UPRT: variants seen among roughly 807,000 people sequenced by gnomAD.
The protein encoded by UPRT is uracil phosphoribosyltransferase homolog, also known as RP11-311P8.3.
Under a neutral mutation model 22.6 loss-of-function variants are expected in UPRT, and 5 were observed. The observed-to-expected ratio is 0.22, with a 90% CI of 0.12 to 0.47. The LOEUF (loss-of-function observed/expected upper bound fraction) is 0.47, where lower values mean the gene tolerates loss of function less well. UPRT is among the 20% of genes least tolerant of loss of function. The pLI, the probability that UPRT is intolerant of heterozygous loss-of-function variation, is 0.99. For missense variants in UPRT, 181 were observed against 239.9 expected (o/e 0.75, Z 1.62); for synonymous variants, 77 against 87.7 (o/e 0.88, Z 0.68).
chrX:75,163,696 T>C (rs2082206086), intron 3 of UPRT, among the ~76,000 whole-genome samples: 1 of 112,346 alleles, frequency 8.9e-6, no homozygotes, highest in African/African-American at 3.2e-5. Flanking sequence ...GTTCATCAAC[T>C]GGTGACTGAA....
intron 4 of UPRT, among the ~76,000 whole-genome samples, chrX:75,194,980 C>G (rs183500272): frequency 0.029 from 3,232 of 110,396 alleles, 116 homozygotes; most frequent in African/African-American, 0.1. Context: ...GCGGGGGGCA[C>G]GGTGCACTCA....
chrX:75,226,018 A>G (rs977815989), intron 4 of UPRT, among the ~76,000 whole-genome samples: 20 of 111,422 alleles, frequency 1.8e-4, no homozygotes, highest in African/African-American at 5.5e-4. Flanking sequence ...TGCTTTATCC[A>G]TAGTGTTCTC....
intron 4 of UPRT, among the ~76,000 whole-genome samples, chrX:75,234,983 T>C (rs757874465): frequency 9.0e-6 from 1 of 111,511 alleles, no homozygotes; most frequent in East Asian, 2.8e-4. Context: ...CTTCAAAAAA[T>C]CAATGAATCC....
At chrX:75,213,869 C>T (rs2082385959) in intron 4 of UPRT, among the ~76,000 whole-genome samples, 1 of 111,978 alleles carries the variant, frequency 8.9e-6, no homozygotes, top group African/African-American at 3.2e-5. Flanking sequence ...GATACATTCA[C>T]TATTATAGTT....
Position 75,182,598 on chromosome X carries a change from G to A in UPRT, c.-447+14719G>A, listed in dbSNP as rs373670499. ...AATCTTGGGAGGCTTATGTGTACAG[G>A]AATATATCTATTTCTTTTAGATTTT... On this transcript the variant is annotated intron_variant, in intron 4 of 13. Coordinates refer to the UPRT transcript ENST00000652605. Among the ~76,000 whole-genome samples, 9 of 111,775 alleles carry A rather than the reference G, an allele frequency of 8.1e-5. No homozygotes were observed. The South Asian group carries it at 3.0e-3, about 37-fold the overall frequency.
At chrX:75,283,306 C>T (rs773985823) in intron 1 of UPRT, among the ~76,000 whole-genome samples, 1 of 110,761 alleles carries the variant, frequency 9.0e-6, no homozygotes, top group South Asian at 3.8e-4. Context: ...GGTTCTGTTG[C>T]ATTGATTGTG....
chrX:75,237,496 C>T (rs895198367), intron 4 of UPRT, among the ~76,000 whole-genome samples: 1 of 110,652 alleles, frequency 9.0e-6, no homozygotes, highest in East Asian at 2.9e-4. Context: ...AACACATGCA[C>T]ATGTATGTTT....
intron 4 of UPRT, among the ~76,000 whole-genome samples, chrX:75,191,395 G>T (rs1241863664): frequency 8.9e-6 from 1 of 112,012 alleles, no homozygotes; most frequent in Non-Finnish European, 1.9e-5. Context: ...CTATTAGGGG[G>T]TGCTTCCCAG....
intron 1 of UPRT, among the ~76,000 whole-genome samples, chrX:75,291,232 G>A (rs2082706033): frequency 9.0e-6 from 1 of 111,623 alleles, no homozygotes; most frequent in Non-Finnish European, 1.9e-5. Context: ...CAAGTGCCTG[G>A]ATATCATTAT....
At chrX:75,265,232 G>A (rs747298738) in intron 4 of UPRT, among the ~76,000 whole-genome samples, 1 of 111,537 alleles carries the variant, frequency 9.0e-6, no homozygotes, top group African/African-American at 3.3e-5. Context: ...GGCCTGCCTT[G>A]CTAGATTGGG....
intron 4 of UPRT, among the ~76,000 whole-genome samples, chrX:75,231,206 C>G (rs1441851758): frequency 9.0e-6 from 1 of 110,872 alleles, no homozygotes; most frequent in Non-Finnish European, 1.9e-5. Context: ...TAGAAAATAA[C>G]AAAATATGGA....
At chrX:75,269,539 A>G (rs1334576335), upstream of UPRT, among the ~76,000 whole-genome samples, 1 of 111,919 alleles carries the variant, frequency 8.9e-6, no homozygotes, top group Non-Finnish European at 1.9e-5. Context: ...ACAGCATGGT[A>G]CTGGTACCAA....
intron 4 of UPRT, among the ~76,000 whole-genome samples, chrX:75,173,371 A>C (rs2082235488): frequency 9.1e-6 from 1 of 110,248 alleles, no homozygotes; most frequent in Non-Finnish European, 1.9e-5. Flanking sequence ...CTAGACATAA[A>C]GGTTCTCCAA....
chrX:75,272,936 T>A (rs916913950), upstream of UPRT, among the ~76,000 whole-genome samples: 3 of 111,694 alleles, frequency 2.7e-5, no homozygotes, highest in Non-Finnish European at 3.8e-5. Context: ...AACTACCCAT[T>A]AATGATAGAA....
At chrX:75,296,305 A>G (rs754705093) in intron 2 of UPRT, 37 bp from the exon 3 acceptor site, 43 of 1,177,057 alleles carry the variant, frequency 3.7e-5, no homozygotes, top group Non-Finnish European at 5.0e-5. Flanking sequence ...GGAGATTCCC[A>G]GCAGGTTCTC....
At chrX:75,184,589 G>T (rs1175649890) in intron 4 of UPRT, among the ~76,000 whole-genome samples, 1 of 107,792 alleles carries the variant, frequency 9.3e-6, no homozygotes, top group African/African-American at 3.4e-5. Context: ...GATGGGGATG[G>T]CATTGAATCT....
intron 4 of UPRT, among the ~76,000 whole-genome samples, chrX:75,234,760 C>G (rs2147646124): frequency 9.1e-6 from 1 of 110,458 alleles, no homozygotes; most frequent in East Asian, 2.8e-4. Flanking sequence ...CACAACATAC[C>G]AGAATCTCTG....
chrX:75,251,277 T>C (rs1025515490), intron 4 of UPRT, among the ~76,000 whole-genome samples: 4 of 111,725 alleles, frequency 3.6e-5, no homozygotes, highest in East Asian at 2.8e-4. Context: ...AAATTGTCCC[T>C]GTTTGCAGAT....
chrX:75,169,557 T>A (rs1190381783), intron 4 of UPRT, among the ~76,000 whole-genome samples: 1 of 112,340 alleles, frequency 8.9e-6, no homozygotes, highest in Non-Finnish European at 1.9e-5. Context: ...AGCAGGCTAT[T>A]TAATTTCCAT....
Sources: allele counts gnomAD v4.1 joint callset (sites outside exome capture counted in the v4.1 genomes callset), GRCh38; gene constraint gnomAD v4.1.1; transcripts MANE v1.5; gene names NCBI Gene and HGNC (gene_info 2026-07-23, HGNC 2026-07-21).